GPC5: variants seen among roughly 807,000 people sequenced by gnomAD.
GPC5 encodes glypican-5.
Under a neutral mutation model 53.9 loss-of-function variants are expected in GPC5, and 47 were observed. That is an observed-to-expected ratio of 0.87 (90% CI 0.69 to 1.11). GPC5 has a LOEUF of 1.11. GPC5 is among the 50% of genes most tolerant of loss of function. GPC5 has a pLI of 0.00. For synonymous variants in GPC5, 286 were observed against 263.3 expected, an observed-to-expected ratio of 1.09 and a Z score of -0.84; for missense variants, 748 against 713.1, an observed-to-expected ratio of 1.05 and a Z score of -0.56.
intron 7 of GPC5, among the ~76,000 whole-genome samples, chr13:92,807,955 T>G (rs1022787558): frequency 3.3e-5 from 5 of 152,052 alleles, no homozygotes; most frequent in African/African-American, 1.2e-4. Flanking sequence ...TGTAAATGTA[T>G]GTCATGTCAA....
At chr13:91,432,279 G>T (rs534828066) in intron 1 of GPC5, among the ~76,000 whole-genome samples, 1 of 148,816 alleles carries the variant, frequency 6.7e-6, no homozygotes, top group South Asian at 2.2e-4. Context: ...TTCTAAGCTG[G>T]TTAACCTGTA....
chr13:92,504,783 A>G (rs1465367074), intron 7 of GPC5, among the ~76,000 whole-genome samples: 1 of 151,100 alleles, frequency 6.6e-6, no homozygotes, highest in Non-Finnish European at 1.5e-5. Flanking sequence ...AACCACATGC[A>G]AAGAAAAGAG....
chr13:92,569,647 C>T (rs1306065840), intron 7 of GPC5, among the ~76,000 whole-genome samples: 1 of 152,112 alleles, frequency 6.6e-6, no homozygotes, highest in African/African-American at 2.4e-5. Flanking sequence ...AGGACAGAGA[C>T]ATTACCTTCT....
intron 7 of GPC5, among the ~76,000 whole-genome samples, chr13:92,179,812 G>A (rs998966941): frequency 1.3e-5 from 2 of 152,164 alleles, no homozygotes; most frequent in Non-Finnish European, 2.9e-5. Flanking sequence ...ATTTTTTAAA[G>A]CAAAGTATTT....
In GPC5 at chr13:92,166,956, T is replaced by TCTCACA. The variant is rs1415930136; in HGVS notation, c.1561+21968_1561+21969insTCACAC. On this transcript the variant is annotated intron_variant, in intron 7 of 7. Coordinates refer to ENST00000377067, the MANE Select transcript of GPC5 (RefSeq NM_004466.6). ...CTCTCTCTCTCTCTCTCTCTCTCTCTCACACACACACACACACACACACAC... is the reference window on the plus strand; with the variant it reads ...CTCTCTCTCTCTCTCTCTCTCTCTCTCTCACACACACACACACACACACACACACAC... Among the ~76,000 whole-genome samples, 31 of 84,810 alleles carry TCTCACA rather than the reference T, an allele frequency of 3.7e-4. No homozygotes were observed. In the East Asian group the frequency reaches 9.4e-3, roughly 26 times the overall value. 55.6% of individuals were successfully genotyped at this position (84,810 alleles called of 152,430 possible). A position where few individuals can be genotyped will look rare whatever the true frequency, so the allele number is the denominator to read the frequency against.
At chr13:91,469,737 C>A (rs922670172) in intron 2 of GPC5, among the ~76,000 whole-genome samples, 1 of 152,074 alleles carries the variant, frequency 6.6e-6, no homozygotes, top group Non-Finnish European at 1.5e-5. Flanking sequence ...AATTCAGATT[C>A]ATCTTTTTGA....
intron 7 of GPC5, among the ~76,000 whole-genome samples, chr13:92,390,916 G>A (rs1874972964): frequency 6.6e-6 from 1 of 152,058 alleles, no homozygotes; most frequent in Non-Finnish European, 1.5e-5. Context: ...CATAATCAAT[G>A]TGTAGATTAA....
In GPC5 at chr13:92,127,307, A is replaced by ATG. The variant is rs2041706753; in HGVS notation, c.1402-17519_1402-17518dup. On this transcript the variant is annotated intron_variant, in intron 6 of 7. Transcript: ENST00000377067. The stretch of plus-strand genomic sequence containing the variant: ...TATATATGTGTGTATATATGTATAT[A>ATG]TGTGTATATATATGTGTATGTGTAT... Among the ~76,000 whole-genome samples, 3 of 151,866 alleles carry ATG rather than the reference A, an allele frequency of 2.0e-5. No homozygotes were observed. In the South Asian group the frequency reaches 6.2e-4, roughly 32 times the overall value.
At chr13:91,402,111 C>T in intron 1 of GPC5, among the ~76,000 whole-genome samples, 1 of 152,106 alleles carries the variant, frequency 6.6e-6, no homozygotes, top group East Asian at 1.9e-4. Context: ...TTCACACATG[C>T]AGTAGTTCCT....
chr13:92,595,750 A>G (rs1256459112), intron 7 of GPC5, among the ~76,000 whole-genome samples: 2 of 133,170 alleles, frequency 1.5e-5, no homozygotes, highest in Non-Finnish European at 3.2e-5. Flanking sequence ...CCTGGGCGAA[A>G]GAGCGAGACT....
chr13:91,548,419 C>T (rs1349653000), intron 2 of GPC5, among the ~76,000 whole-genome samples: 1 of 152,000 alleles, frequency 6.6e-6, no homozygotes, highest in Non-Finnish European at 1.5e-5. Flanking sequence ...ATGTACAGCT[C>T]TATATAAGAA....
At chr13:92,540,482 T>C (rs1390973211) in intron 7 of GPC5, among the ~76,000 whole-genome samples, 2 of 151,980 alleles carry the variant, frequency 1.3e-5, no homozygotes, top group Non-Finnish European at 2.9e-5. Flanking sequence ...TTACCGTTGA[T>C]ATTTAATAAT....
At chr13:91,806,580 T>C (rs1301307705) in intron 5 of GPC5, among the ~76,000 whole-genome samples, 1 of 152,164 alleles carries the variant, frequency 6.6e-6, no homozygotes, top group Admixed American at 6.6e-5. Context: ...TTAAATTTGA[T>C]CCTTAAAATA....
At chr13:92,775,268 A>G (rs1186711446) in intron 7 of GPC5, among the ~76,000 whole-genome samples, 1 of 152,220 alleles carries the variant, frequency 6.6e-6, no homozygotes, top group Non-Finnish European at 1.5e-5. Context: ...AAAAACACGA[A>G]GTGTAATTTT....
chr13:92,184,909 AG>A (rs1454056957), intron 7 of GPC5, among the ~76,000 whole-genome samples: 4 of 152,246 alleles, frequency 2.6e-5, no homozygotes, highest in African/African-American at 9.6e-5. Flanking sequence ...GTAATGTGCC[AG>A]GGTTGGGCAA....
At chr13:91,936,480 G>T (rs1027511727) in intron 6 of GPC5, among the ~76,000 whole-genome samples, 5 of 152,050 alleles carry the variant, frequency 3.3e-5, no homozygotes, top group Non-Finnish European at 7.4e-5. Flanking sequence ...TGACCACAAA[G>T]CATCATTTTT....
intron 6 of GPC5, among the ~76,000 whole-genome samples, chr13:91,971,646 A>G (rs2040243333): frequency 6.6e-6 from 1 of 152,086 alleles, no homozygotes. Flanking sequence ...AATGTGTCCC[A>G]GAGATTCTGG....
chr13:92,351,621 T>G (rs183031855), intron 7 of GPC5, among the ~76,000 whole-genome samples: 1 of 152,202 alleles, frequency 6.6e-6, no homozygotes, highest in East Asian at 1.9e-4. Flanking sequence ...TACAAATTAT[T>G]TGATATAATA....
At chr13:92,643,052 C>A (rs1885646690) in intron 7 of GPC5, among the ~76,000 whole-genome samples, 1 of 152,090 alleles carries the variant, frequency 6.6e-6, no homozygotes. Context: ...ATGTCCTTTG[C>A]CCACTTTTTG....
Sources: allele counts gnomAD v4.1 joint callset (sites outside exome capture counted in the v4.1 genomes callset), GRCh38; gene constraint gnomAD v4.1.1; transcripts MANE v1.5; gene names NCBI Gene and HGNC (gene_info 2026-07-23, HGNC 2026-07-21).